Variants in TMEM132D observed in about 807,000 individuals in gnomAD.
The protein encoded by TMEM132D is mature OL transmembrane protein.
A neutral mutation model predicts 62.3 loss-of-function variants in TMEM132D; 21 were observed. That is an observed-to-expected ratio of 0.34 (90% CI 0.24 to 0.49). TMEM132D has a LOEUF of 0.49. TMEM132D is among the 20% of genes least tolerant of loss of function. TMEM132D has a pLI of 0.99. For synonymous variants in TMEM132D, 621 were observed against 575.6 expected (o/e 1.08, Z -1.13); for missense variants, 1,346 against 1,402.8 (o/e 0.96, Z 0.65).
intron 1 of TMEM132D, among the ~76,000 whole-genome samples, chr12:129,860,249 T>C (rs1873850202): frequency 6.6e-6 from 1 of 152,220 alleles, no homozygotes; most frequent in East Asian, 1.9e-4. Flanking sequence ...CTGCATGCCC[T>C]TTCAAAATCA....
At chr12:129,506,710 G>A (rs61002736) in intron 3 of TMEM132D, among the ~76,000 whole-genome samples, 27,992 of 152,156 alleles carry the variant, frequency 0.18, 2,952 homozygotes, top group African/African-American at 0.27. Context: ...AAAATCAAGA[G>A]AAGATGTATG....
chr12:129,522,087 C>T (rs1474747648), intron 3 of TMEM132D, among the ~76,000 whole-genome samples: 1 of 152,072 alleles, frequency 6.6e-6, no homozygotes, highest in Admixed American at 6.5e-5. Flanking sequence ...AGTCATATGC[C>T]CGTATTGCCA....
chr12:129,582,763 C>A (rs138576293), intron 2 of TMEM132D, among the ~76,000 whole-genome samples: 89 of 152,066 alleles, frequency 5.9e-4, no homozygotes, highest in Non-Finnish European at 9.9e-4. Flanking sequence ...TGACTACAGG[C>A]ACCCATCACC....
rs200066832 is a variant in TMEM132D at position 129,868,026 on chromosome 12, T to C, written c.79+35235A>G. Among the ~76,000 whole-genome samples the C allele has an allele frequency of 1.4e-4, 17 of 120,704 alleles. No homozygotes were observed. The East Asian group carries it at 8.6e-3, about 61-fold the overall frequency. 79.2% of individuals were successfully genotyped at this position (120,704 alleles called of 152,430 possible). A position where few individuals can be genotyped will look rare whatever the true frequency, so the allele number is the denominator to read the frequency against. On this transcript the variant is annotated intron_variant, in intron 1 of 8. Coordinates refer to ENST00000422113, the MANE Select transcript of TMEM132D (RefSeq NM_133448.3). Reference sequence around the variant, plus strand: ...GCGTTTCTATGGTACATACATGAGGTGGCGTTTCTATGGTACACACATGAG... The same window carrying C: ...GCGTTTCTATGGTACATACATGAGGCGGCGTTTCTATGGTACACACATGAG...
intron 5 of TMEM132D, among the ~76,000 whole-genome samples, chr12:129,198,318 T>A (rs1249710705): frequency 6.6e-6 from 1 of 152,162 alleles, no homozygotes. Flanking sequence ...TCTGGGTATA[T>A]ACCCCAAAGA....
intron 3 of TMEM132D, among the ~76,000 whole-genome samples, chr12:129,524,377 A>G (rs951517321): frequency 1.3e-5 from 2 of 152,184 alleles, no homozygotes; most frequent in Non-Finnish European, 2.9e-5. Context: ...GAGCGGTAAC[A>G]TATCGTACAT....
intron 3 of TMEM132D, among the ~76,000 whole-genome samples, chr12:129,473,374 G>C (rs1181651415): frequency 2.0e-5 from 2 of 101,690 alleles, no homozygotes; most frequent in Non-Finnish European, 3.6e-5. Context: ...TTGTTGCCCA[G>C]ACTGGAGTGC....
At chr12:129,087,677 C>A (rs974792930) in intron 5 of TMEM132D, among the ~76,000 whole-genome samples, 1 of 152,152 alleles carries the variant, frequency 6.6e-6, no homozygotes, top group Non-Finnish European at 1.5e-5. Flanking sequence ...ACAGGCCTAC[C>A]GACACCTTGA....
At chr12:129,859,669 A>C (rs1873831243) in intron 1 of TMEM132D, among the ~76,000 whole-genome samples, 1 of 152,172 alleles carries the variant, frequency 6.6e-6, no homozygotes, top group Non-Finnish European at 1.5e-5. Context: ...AGGGTGGGAT[A>C]AGCTGGGTTC....
chr12:129,136,496 G>A (rs1876561122), intron 5 of TMEM132D, among the ~76,000 whole-genome samples: 1 of 152,226 alleles, frequency 6.6e-6, no homozygotes, highest in Admixed American at 6.5e-5. Context: ...TTTTTGGGAA[G>A]AGTACCACAG....
At chr12:129,160,685 T>G (rs1442757698) in intron 5 of TMEM132D, among the ~76,000 whole-genome samples, 2 of 152,196 alleles carry the variant, frequency 1.3e-5, no homozygotes, top group Non-Finnish European at 2.9e-5. Flanking sequence ...ACCTTACAAA[T>G]GAAGAGTCTT....
chr12:129,367,408 C>A (rs899182838), intron 3 of TMEM132D, among the ~76,000 whole-genome samples: 4 of 152,124 alleles, frequency 2.6e-5, no homozygotes, highest in African/African-American at 9.7e-5. Context: ...CTTTAGGGAA[C>A]TTCCCCTCCC....
intron 3 of TMEM132D, among the ~76,000 whole-genome samples, chr12:129,357,004 C>T (rs1390499292): frequency 6.7e-6 from 1 of 150,086 alleles, no homozygotes; most frequent in East Asian, 2.0e-4. Context: ...CCCAGCATTT[C>T]GGGAGGCCGA....
At chr12:129,878,203 A>T (rs943758977) in intron 1 of TMEM132D, among the ~76,000 whole-genome samples, 5 of 152,214 alleles carry the variant, frequency 3.3e-5, no homozygotes, top group Non-Finnish European at 7.3e-5. Flanking sequence ...TCCTCTATTG[A>T]AGGACCTACC....
At chr12:129,794,936 G>C (rs1019870401) in intron 1 of TMEM132D, among the ~76,000 whole-genome samples, 24 of 152,146 alleles carry the variant, frequency 1.6e-4, no homozygotes, top group African/African-American at 5.8e-4. Flanking sequence ...CATACTAAAA[G>C]TGTGCCACAC....
intron 4 of TMEM132D, among the ~76,000 whole-genome samples, chr12:129,282,096 C>T (rs1037673248): frequency 6.6e-6 from 1 of 151,886 alleles, no homozygotes; most frequent in Non-Finnish European, 1.5e-5. Flanking sequence ...CCAGCCTCCA[C>T]TCCTACAAAA....
At chr12:129,671,181 A>G (rs936496828) in intron 2 of TMEM132D, among the ~76,000 whole-genome samples, 6 of 152,214 alleles carry the variant, frequency 3.9e-5, no homozygotes, top group Non-Finnish European at 7.3e-5. Flanking sequence ...TAAAAAATTT[A>G]TGGCCAGAGG....
intron 5 of TMEM132D, among the ~76,000 whole-genome samples, chr12:129,097,690 C>G (rs1875160064): frequency 6.6e-6 from 1 of 152,196 alleles, no homozygotes; most frequent in Admixed American, 6.5e-5. Context: ...CTGGGCTAAT[C>G]ATAGTCTAGA....
chr12:129,733,226 G>A (rs1300228305), intron 1 of TMEM132D, among the ~76,000 whole-genome samples: 1 of 152,180 alleles, frequency 6.6e-6, no homozygotes, highest in Non-Finnish European at 1.5e-5. Flanking sequence ...GGGGCCTTGG[G>A]CACACCTGAA....
Sources: gnomAD v4.1 joint callset for allele counts (sites outside exome capture counted in the v4.1 genomes callset) on GRCh38, gnomAD v4.1.1 for gene constraint, MANE v1.5 for transcripts, NCBI Gene and HGNC (gene_info 2026-07-23, HGNC 2026-07-21) for gene names.